Variants in PCDHA3 observed in about 807,000 individuals in gnomAD.
PCDHA3 encodes the protein protocadherin alpha 3.
PCDHA3 carries 41 observed loss-of-function variants against 62.2 expected under a neutral mutation model. That is an observed-to-expected ratio of 0.66 (90% CI 0.51 to 0.86). PCDHA3 has a LOEUF of 0.86. Among genes scored for constraint, PCDHA3 ranks in the 40% least tolerant of loss-of-function variants. The probability of loss-of-function intolerance (pLI) is 0.00; values close to 1 mark genes in which losing one functional copy is unlikely to be tolerated. For missense variants in PCDHA3, 1,304 were observed against 1,241.2 expected (o/e 1.05, Z -0.76); for synonymous variants, 640 against 555.4 (o/e 1.15, Z -2.14).
chr5:141,005,626 C>T (rs554956978), intron 3 of PCDHA3, among the ~76,000 whole-genome samples: 5 of 136,646 alleles, frequency 3.7e-5, no homozygotes, highest in South Asian at 4.9e-4. Context: ...GGCGTGAACC[C>T]GGGAGGCGGA....
chr5:140,820,432 T>C lies in PCDHA3; in HGVS notation c.2394+16841T>C, dbSNP rs2150106881. Among the ~76,000 whole-genome samples, 49 of 152,136 alleles carry C rather than the reference T, an allele frequency of 3.2e-4. 1 individual carries two copies. The highest frequency in any genetic ancestry group is 2.6e-3 in the Admixed American group (40 of 15,288). On this transcript the variant is annotated intron_variant, in intron 1 of 3. Coordinates refer to ENST00000522353, the MANE Select transcript of PCDHA3 (RefSeq NM_018906.3). Reference sequence around the variant, plus strand: ...AATGTAAAAGTATCCAACAATAGAATTGCTAATCTCTTGGTCCCTCTTGTC... The same window carrying C: ...AATGTAAAAGTATCCAACAATAGAACTGCTAATCTCTTGGTCCCTCTTGTC...
intron 1 of PCDHA3, among the ~76,000 whole-genome samples, chr5:140,878,566 A>G (rs2057645190): frequency 6.6e-6 from 1 of 152,262 alleles, no homozygotes. Context: ...AACTTATCAT[A>G]GTATACCACT....
intron 1 of PCDHA3, among the ~76,000 whole-genome samples, chr5:140,925,937 C>T (rs1244990026): frequency 1.4e-5 from 2 of 138,450 alleles, no homozygotes; most frequent in East Asian, 3.9e-4. Flanking sequence ...AGTAGAGCCT[C>T]TTGGAGAAGG....
rs782305894 is a variant in PCDHA3 at position 140,801,987 on chromosome 5, G to T, written c.790G>T (p.Val264Phe). ...NAPNGTLVVT[V>F]NATDLDEGVN... The stretch of plus-strand genomic sequence containing the variant: ...ACCAAATGGTACCCTAGTGGTGACC[G>T]TTAACGCCACCGATTTGGATGAAGG... Residue 264 changes from valine to phenylalanine, a missense_variant, in exon 1 of 4, where the codon GTT becomes TTT. Transcript: ENST00000522353. The T allele has an allele frequency of 9.3e-6, 15 of 1,614,224 alleles. No homozygotes were observed. In the South Asian group the frequency reaches 1.6e-4, roughly 18 times the overall value.
intron 1 of PCDHA3, chr5:140,808,796 G>A (rs782615790): frequency 6.2e-7 from 1 of 1,612,614 alleles, no homozygotes; most frequent in South Asian, 1.1e-5. Context: ...TCAGGTGACC[G>A]CTCGCGATGC....
At chr5:140,808,168 G>A (rs781897208) in intron 1 of PCDHA3, 5 of 1,614,100 alleles carry the variant, frequency 3.1e-6, no homozygotes, top group African/African-American at 1.3e-5. Context: ...ATAAGGGACA[G>A]CTCCCACTTT....
At chr5:140,918,186 C>T (rs1177570782) in intron 1 of PCDHA3, among the ~76,000 whole-genome samples, 1 of 151,888 alleles carries the variant, frequency 6.6e-6, no homozygotes, top group Non-Finnish European at 1.5e-5. Flanking sequence ...TTGATTTGGC[C>T]CTCAGCTTGG....
intron 1 of PCDHA3, chr5:140,928,813 C>T: frequency 6.2e-7 from 1 of 1,614,118 alleles, no homozygotes; most frequent in Non-Finnish European, 8.5e-7. Flanking sequence ...GGTTCGGGAC[C>T]ATGGAGACCC....
chr5:140,974,884 T>A (rs1485443373), intron 1 of PCDHA3, among the ~76,000 whole-genome samples: 1 of 152,240 alleles, frequency 6.6e-6, no homozygotes, highest in Non-Finnish European at 1.5e-5. Context: ...TATGTATCCC[T>A]TTTCTGATGA....
intron 1 of PCDHA3, chr5:140,884,453 G>A (rs2060182161): frequency 2.5e-6 from 4 of 1,613,658 alleles, no homozygotes; most frequent in Admixed American, 1.7e-5. Flanking sequence ...ACCGCCCACC[G>A]AGGGCGCGTG....
At chr5:140,884,299 G>A in intron 1 of PCDHA3, 1 of 1,613,736 alleles carries the variant, frequency 6.2e-7, no homozygotes, top group Non-Finnish European at 8.5e-7. Context: ...AAGCGCCACA[G>A]GCTTCGTCGA....
chr5:140,899,071 C>T (rs1436283947), intron 1 of PCDHA3, among the ~76,000 whole-genome samples: 1 of 152,106 alleles, frequency 6.6e-6, no homozygotes, highest in African/African-American at 2.4e-5. Flanking sequence ...AGTTGCTTAT[C>T]AGCTTAAGGA....
At chr5:140,832,953 T>C (rs2150205519) in intron 1 of PCDHA3, among the ~76,000 whole-genome samples, 88,791 of 151,994 alleles carry the variant, frequency 0.58, 26,721 homozygotes, top group African/African-American at 0.73. Context: ...TAAGTGAGTA[T>C]ACAGAAAATT....
chr5:140,950,741 C>G (rs149114023), intron 1 of PCDHA3, among the ~76,000 whole-genome samples: 2,002 of 152,118 alleles, frequency 0.013, 30 homozygotes, highest in South Asian at 0.028. Context: ...ATCCTAATTT[C>G]TCTCTATCCT....
intron 1 of PCDHA3, chr5:140,853,810 G>A (rs1402594450): frequency 7.1e-6 from 7 of 986,530 alleles, no homozygotes; most frequent in Non-Finnish European, 8.5e-6. Context: ...AAGCACACCT[G>A]AGATGATTCT....
At chr5:140,848,341 T>C (rs1175376105) in intron 1 of PCDHA3, 6 of 896,220 alleles carry the variant, frequency 6.7e-6, no homozygotes, top group Non-Finnish European at 1.0e-5. Context: ...TCCAGACAAA[T>C]ACAGCCCTTT....
intron 1 of PCDHA3, chr5:140,808,437 G>T (rs781860086): frequency 1.2e-6 from 2 of 1,614,178 alleles, no homozygotes; most frequent in Non-Finnish European, 8.5e-7. Context: ...GACCGCGAGA[G>T]CGTGTCAGCC....
intron 1 of PCDHA3, chr5:140,836,500 C>T (rs2150262394): frequency 1.2e-6 from 2 of 1,613,882 alleles, no homozygotes; most frequent in African/African-American, 1.3e-5. Flanking sequence ...GCCATCTGCG[C>T]GGTGTCCAGT....
At chr5:140,876,310 G>C (rs1167952130) in intron 1 of PCDHA3, 2 of 1,613,982 alleles carry the variant, frequency 1.2e-6, no homozygotes, top group Non-Finnish European at 1.7e-6. Context: ...AATTTCCTAT[G>C]GGATCAAAAT....
Sources: gnomAD v4.1 joint callset for allele counts (sites outside exome capture counted in the v4.1 genomes callset) on GRCh38, gnomAD v4.1.1 for gene constraint, MANE v1.5 for transcripts, NCBI Gene and HGNC (gene_info 2026-07-23, HGNC 2026-07-21) for gene names.